LARP4: variants seen among roughly 807,000 people sequenced by gnomAD.
The protein encoded by LARP4 is La ribonucleoprotein 4.
Under a neutral mutation model 92.9 loss-of-function variants are expected in LARP4, and 29 were observed. That is an observed-to-expected ratio of 0.31 (90% confidence interval 0.23 to 0.43). LARP4 has a LOEUF of 0.43. LARP4 is among the 20% of genes least tolerant of loss of function. The pLI is 1.00. For synonymous variants in LARP4, 279 were observed against 284.1 expected (o/e 0.98, Z 0.18); for missense variants, 732 against 860.0 (o/e 0.85, Z 1.86).
chr12:50,462,093 T>A (rs1955480775), intron 11 of LARP4, among the ~76,000 whole-genome samples: 1 of 152,114 alleles, frequency 6.6e-6, no homozygotes, highest in South Asian at 2.1e-4. Context: ...GTAGGTAAAG[T>A]TTTTAGTAAA....
chr12:50,412,940 A>G (rs757546461), intron 1 of LARP4, among the ~76,000 whole-genome samples: 5 of 152,144 alleles, frequency 3.3e-5, no homozygotes, highest in Admixed American at 6.6e-5. Flanking sequence ...AAACTTGGCT[A>G]TTGGCTGGGC....
At chr12:50,429,641 T>G (rs534727574) in intron 3 of LARP4, among the ~76,000 whole-genome samples, 23 of 152,226 alleles carry the variant, frequency 1.5e-4, no homozygotes, top group African/African-American at 4.8e-4. Context: ...TTTGTTGTTG[T>G]TTTTTTGTTG....
chr12:50,464,564 TG>T (rs553715475), intron 12 of LARP4, among the ~76,000 whole-genome samples: 1 of 152,032 alleles, frequency 6.6e-6, no homozygotes, highest in East Asian at 1.9e-4. Context: ...GCTAATTTTT[TG>T]TATTTTTAGT....
intron 2 of LARP4, 52 bp downstream of exon 2, chr12:50,427,961 C>T (rs765144233): frequency 4.8e-6 from 6 of 1,238,944 alleles, no homozygotes; most frequent in African/African-American, 4.6e-5. Context: ...AAATGTATGG[C>T]CAAGCAAGTT....
intron 7 of LARP4, 133 bp downstream of exon 7, chr12:50,440,682 T>G (rs1481711981): frequency 1.0e-5 from 6 of 582,976 alleles, no homozygotes; most frequent in Non-Finnish European, 1.5e-5. Context: ...CCCTTTTGCT[T>G]TTGCTCAATT....
intron 13 of LARP4, 79 bp downstream of exon 13, chr12:50,467,199 C>T: frequency 1.1e-5 from 12 of 1,136,260 alleles, no homozygotes; most frequent in East Asian, 4.9e-5. Flanking sequence ...TAAAATTTTA[C>T]TTGCACTTAG....
At chr12:50,450,821 T>G (rs1294747867) in intron 8 of LARP4, among the ~76,000 whole-genome samples, 3 of 152,128 alleles carry the variant, frequency 2.0e-5, no homozygotes, top group Non-Finnish European at 2.9e-5. Flanking sequence ...CTGTTAATTT[T>G]TTTTTGACTT....
chr12:50,456,850 A>G (rs1192700185), intron 10 of LARP4, among the ~76,000 whole-genome samples: 1 of 152,124 alleles, frequency 6.6e-6, no homozygotes, highest in African/African-American at 2.4e-5. Context: ...GATGAAGGAC[A>G]TTTTCTAAAC....
intron 1 of LARP4, among the ~76,000 whole-genome samples, chr12:50,423,472 G>A (rs550526209): frequency 6.6e-6 from 1 of 152,086 alleles, no homozygotes; most frequent in Admixed American, 6.5e-5. Context: ...TTTTTGAGAC[G>A]GAGTCTTGCT....
intron 5 of LARP4, among the ~76,000 whole-genome samples, chr12:50,436,510 ATATACC>A (rs1029971761): frequency 1.3e-5 from 2 of 152,340 alleles, no homozygotes; most frequent in African/African-American, 4.8e-5. Context: ...AATATACACC[ATATACC>A]TACACCTGAC....
intron 3 of LARP4, among the ~76,000 whole-genome samples, chr12:50,429,373 G>A (rs1473981839): frequency 1.3e-5 from 2 of 151,974 alleles, no homozygotes; most frequent in South Asian, 2.1e-4. Flanking sequence ...GCTTTAGGAG[G>A]CCCAGGCGGG....
At chr12:50,402,826 C>G in intron 1 of LARP4, 1 of 454,592 alleles carries the variant, frequency 2.2e-6, no homozygotes, top group Non-Finnish European at 4.4e-6. Flanking sequence ...TAGACAAATT[C>G]TATCGTATCT....
At chr12:50,414,494 G>T (rs1946435176) in intron 1 of LARP4, among the ~76,000 whole-genome samples, 1 of 152,088 alleles carries the variant, frequency 6.6e-6, no homozygotes, top group Non-Finnish European at 1.5e-5. Flanking sequence ...GTAAAGACAG[G>T]GTTTCACTGT....
intron 12 of LARP4, 108 bp from the exon 13 acceptor site, chr12:50,466,851 A>T: frequency 1.0e-6 from 1 of 987,620 alleles, no homozygotes; most frequent in Non-Finnish European, 1.5e-6. Flanking sequence ...TGTGCATTAT[A>T]GAGGTTTTGT....
In LARP4 at chr12:50,435,623, A is replaced by AC; in HGVS notation, c.534_535insC (p.Ser179LeufsTer8). 1 of 1,572,138 alleles carries AC rather than the reference A, an allele frequency of 6.4e-7. No individual in the cohort carries two copies. Among genetic ancestry groups the AC allele is most frequent in the Admixed American group, 2.0e-5 (1 of 49,282 alleles). ...CTGATCTAATTCTTGAAGTGTTAAG[A>AC]TGTATGTAAAAATACCTTTTAGCTT... On this transcript the variant is annotated frameshift_variant and splice_region_variant, in exon 5 of 16. Coordinates refer to ENST00000398473, the MANE Select transcript of LARP4 (RefSeq NM_052879.5). LOFTEE classifies it high-confidence loss of function.
intron 13 of LARP4, among the ~76,000 whole-genome samples, chr12:50,471,545 A>G (rs570698745): frequency 1.3e-5 from 2 of 152,088 alleles, no homozygotes; most frequent in Non-Finnish European, 2.9e-5. Context: ...GTTTTTTGAG[A>G]TGGAGTGTCG....
intron 8 of LARP4, among the ~76,000 whole-genome samples, chr12:50,449,923 ATTTTTTTTTTTTTTTT>A (rs60763691): frequency 4.3e-5 from 2 of 47,022 alleles, no homozygotes; most frequent in African/African-American, 1.7e-4. Context: ...AGCCATAGCA[ATTTTTTTTTTTTTTTT>A]TTTTTTTTTT....
In LARP4 at chr12:50,401,036, C is replaced by T. The variant is rs771158457; in HGVS notation, c.18+8C>T. The T allele has an allele frequency of 1.2e-6, 2 of 1,613,936 alleles. No homozygotes were observed. The highest frequency in any genetic ancestry group is 1.3e-5 in the African/African-American group (1 of 74,904). On this transcript the variant is annotated splice_region_variant and intron_variant, in intron 1 of 15. Transcript: ENST00000398473. The stretch of plus-strand genomic sequence containing the variant: ...ATGTTGCTTTTCGTGGAGGTGAGTG[C>T]ATTATGCTAGTCTCGTCCTGCTCTT...
intron 1 of LARP4, among the ~76,000 whole-genome samples, chr12:50,418,108 G>T (rs1157322995): frequency 6.6e-6 from 1 of 152,130 alleles, no homozygotes; most frequent in African/African-American, 2.4e-5. Flanking sequence ...TGATCCACCC[G>T]CCTTGGCCTC....
Sources: allele counts gnomAD v4.1 joint callset (sites outside exome capture counted in the v4.1 genomes callset), GRCh38; gene constraint gnomAD v4.1.1; transcripts MANE v1.5; gene names NCBI Gene and HGNC (gene_info 2026-07-23, HGNC 2026-07-21).